TLN2: variants seen among roughly 807,000 people sequenced by gnomAD.
TLN2 encodes the protein talin 2, also known as talin-2.
Under a neutral mutation model 294.7 loss-of-function variants are expected in TLN2, and 118 were observed. The ratio of observed to expected loss-of-function variants is 0.40; its 90% confidence interval spans 0.34 to 0.47. The LOEUF (loss-of-function observed/expected upper bound fraction) is 0.47, where lower values mean the gene tolerates loss of function less well. Ranked by LOEUF, TLN2 falls within the 20% of genes least tolerant of loss-of-function variation. TLN2 has a pLI of 0.84. For missense variants in TLN2, 3,083 were observed against 3,282.2 expected (o/e 0.94, Z 1.48); for synonymous variants, 1,431 against 1,304.5 (o/e 1.10, Z -2.09).
chr15:62,504,223 A>G (rs2039460961), intron 1 of TLN2, among the ~76,000 whole-genome samples: 1 of 152,230 alleles, frequency 6.6e-6, no homozygotes, highest in South Asian at 2.1e-4. Flanking sequence ...AGAAGACAAC[A>G]TTGTTAAGAT....
intron 11 of TLN2, among the ~76,000 whole-genome samples, chr15:62,686,213 G>A (rs2057275145): frequency 6.6e-6 from 1 of 152,220 alleles, no homozygotes; most frequent in African/African-American, 2.4e-5. Context: ...TCCTCATAAT[G>A]AGAAGATTCT....
chr15:62,774,496 G>A (rs923116306), intron 42 of TLN2, among the ~76,000 whole-genome samples: 22 of 152,202 alleles, frequency 1.4e-4, no homozygotes, highest in African/African-American at 5.3e-4. Context: ...TAGCAGGTAT[G>A]TGTGATTTGA....
chr15:62,479,829 G>A (rs193026462), intron 1 of TLN2, among the ~76,000 whole-genome samples: 36 of 152,334 alleles, frequency 2.4e-4, no homozygotes. Context: ...CAGGGACTGT[G>A]CTTCATCCTT....
intron 1 of TLN2, among the ~76,000 whole-genome samples, chr15:62,411,430 TGTGTGTGTGTG>T (rs996987973): frequency 3.4e-3 from 30 of 8,738 alleles, no homozygotes; most frequent in African/African-American, 6.1e-3. Context: ...GAGTAATGGA[TGTGTGTGTGTG>T]TGTGTGTGTG....
chr15:62,442,494 GA>G (rs71125999), intron 1 of TLN2, among the ~76,000 whole-genome samples: 31 of 87,886 alleles, frequency 3.5e-4, no homozygotes, highest in African/African-American at 1.3e-3. Context: ...CTCTGTCTCA[GA>G]AAAAAAAAAA....
In TLN2 at chr15:62,744,799, G is replaced by A. The variant is rs997316504; in HGVS notation, c.4026-3552G>A. Among the ~76,000 whole-genome samples the A allele has an allele frequency of 2.6e-5, 4 of 152,154 alleles. No homozygotes were observed. In the East Asian group the frequency reaches 7.7e-4, roughly 29 times the overall value. ...CTGACCTAGTGATCCACCCACCTCG[G>A]CCTCCCAAAGTGCTGGGATTCTAGG... On this transcript the variant is annotated intron_variant, in intron 32 of 58. Coordinates refer to ENST00000636159, the MANE Select transcript of TLN2 (RefSeq NM_015059.3).
At chr15:62,399,287 T>TAAAC (rs2032834099) in intron 1 of TLN2, among the ~76,000 whole-genome samples, 1 of 50,138 alleles carries the variant, frequency 2.0e-5, no homozygotes, top group Non-Finnish European at 4.6e-5. Flanking sequence ...AAAAAAAAAG[T>TAAAC]AAGAAATGCT....
At chr15:62,810,502 G>A (rs1371875940) in intron 52 of TLN2, among the ~76,000 whole-genome samples, 1 of 152,062 alleles carries the variant, frequency 6.6e-6, no homozygotes, top group African/African-American at 2.4e-5. Context: ...TTCCATCCTC[G>A]AATGAATGGC....
chr15:62,726,868 T>C (rs926554982), intron 27 of TLN2, among the ~76,000 whole-genome samples: 1 of 152,092 alleles, frequency 6.6e-6, no homozygotes, highest in African/African-American at 2.4e-5. Flanking sequence ...ATGCTAGTAA[T>C]TGGGAGGGGA....
chr15:62,588,094 A>C (rs1442148801), intron 1 of TLN2, among the ~76,000 whole-genome samples: 1 of 151,986 alleles, frequency 6.6e-6, no homozygotes, highest in South Asian at 2.1e-4. Flanking sequence ...GTTAGCCAGG[A>C]TGGTCTCGAT....
chr15:62,771,039 C>A lies in TLN2; in HGVS notation c.5272C>A (p.Gln1758Lys), dbSNP rs1037901609. 1 of 1,612,460 alleles carries A rather than the reference C, an allele frequency of 6.2e-7. No homozygotes were observed. The highest frequency in any genetic ancestry group is 1.1e-5 in the South Asian group (1 of 91,016). The change falls in exon 42 of 59, where the codon CAG becomes AAG. Residue 1758 changes from glutamine to lysine, a missense_variant. Coordinates refer to ENST00000636159, the MANE Select transcript of TLN2 (RefSeq NM_015059.3). ...VGVASKILDH[Q>K]QQMTVLDQTK... ...TGTGGCCTCCAAGATTCTTGATCAT[C>A]AGCAGCAGATGACGGTGCTGGACCA...
chr15:62,787,654 C>T (rs1263748426), intron 45 of TLN2, among the ~76,000 whole-genome samples: 4 of 149,078 alleles, frequency 2.7e-5, no homozygotes, highest in Admixed American at 2.7e-4. Flanking sequence ...GAGAAGCTCA[C>T]TATTGCATGG....
At chr15:62,742,813 C>T (rs2061415921) in intron 32 of TLN2, among the ~76,000 whole-genome samples, 1 of 152,140 alleles carries the variant, frequency 6.6e-6, no homozygotes, top group Non-Finnish European at 1.5e-5. Context: ...CACATTTTGG[C>T]AAGCTTCTGC....
At chr15:62,486,878 C>T (rs1051950544) in intron 1 of TLN2, among the ~76,000 whole-genome samples, 3 of 150,998 alleles carry the variant, frequency 2.0e-5, no homozygotes, top group Non-Finnish European at 4.4e-5. Flanking sequence ...GCAGGGTCTG[C>T]TCTTCGATAC....
chr15:62,695,166 C>T (rs76368431), intron 14 of TLN2, among the ~76,000 whole-genome samples: 14,527 of 152,098 alleles, frequency 0.096, 1,400 homozygotes, highest in African/African-American at 0.25. Context: ...ATAAATGGCT[C>T]TTTTTGGGAA....
intron 1 of TLN2, among the ~76,000 whole-genome samples, chr15:62,531,128 T>C (rs2041020010): frequency 6.6e-6 from 1 of 152,236 alleles, no homozygotes; most frequent in African/African-American, 2.4e-5. Context: ...TCTACTCTCA[T>C]GCTCATTGCA....
In TLN2 at chr15:62,753,812, G is replaced by T; in HGVS notation, c.4372G>T (p.Ala1458Ser). 6.2e-7 allele frequency: 1 copy of T among 1,612,014 alleles called. No homozygotes were observed. Among genetic ancestry groups the T allele is most frequent in the Middle Eastern group, 1.7e-4 (1 of 5,992 alleles). The change falls in exon 36 of 59, where the codon GCA (alanine) becomes TCA (serine). Residue 1458 changes from alanine to serine, a missense_variant. By Grantham distance (99) the Ala-to-Ser change is moderately conservative (BLOSUM62 1). Transcript: ENST00000636159. ...LVGISDPNSQ[A>S]GHQGLVDPIQ... ...TGGCATCTCTGATCCAAACAGCCAG[G>T]CAGGCCACCAGGGCCTGGTGGACCC...
intron 2 of TLN2, among the ~76,000 whole-genome samples, chr15:62,604,821 C>G (rs552697453): frequency 3.3e-3 from 506 of 151,636 alleles, no homozygotes; most frequent in Non-Finnish European, 5.8e-3. Flanking sequence ...AGATTATACA[C>G]AGACGCAAGC....
chr15:62,708,415 G>C, intron 20 of TLN2, 87 bp from the exon 21 acceptor site: 2 of 1,416,636 alleles, frequency 1.4e-6, no homozygotes, highest in Non-Finnish European at 2.0e-6. Context: ...CCCAGAGCAG[G>C]AAGGGCTTTG....
Sources: gnomAD v4.1 joint callset for allele counts (sites outside exome capture counted in the v4.1 genomes callset) on GRCh38, gnomAD v4.1.1 for gene constraint, MANE v1.5 for transcripts, NCBI Gene and HGNC (gene_info 2026-07-23, HGNC 2026-07-21) for gene names.